PCDH11X: variants seen among roughly 807,000 people sequenced by gnomAD.
PCDH11X encodes protocadherin 11 X-linked, also known as protocadherin-11 X-linked.
Under a neutral mutation model 53.3 loss-of-function variants are expected in PCDH11X, and 18 were observed. That is an observed-to-expected ratio of 0.34 (90% CI 0.23 to 0.50). The LOEUF (loss-of-function observed/expected upper bound fraction) is 0.50. Among genes scored for constraint, PCDH11X ranks in the 20% least tolerant of loss-of-function variants. The pLI is 0.98. For synonymous variants in PCDH11X, 279 were observed against 393.3 expected, an observed-to-expected ratio of 0.71 and a Z score of 3.44; for missense variants, 570 against 1,032.4, an observed-to-expected ratio of 0.55 and a Z score of 6.14.
At chrX:92,456,095 C>A (rs1318496343) in intron 9 of PCDH11X, among the ~76,000 whole-genome samples, 3 of 111,493 alleles carry the variant, frequency 2.7e-5, no homozygotes, top group Non-Finnish European at 5.7e-5. Flanking sequence ...CAACAGAGTA[C>A]AAAAATTGAA....
intron 6 of PCDH11X, among the ~76,000 whole-genome samples, chrX:92,120,305 A>G (rs749979591): frequency 1.0e-4 from 11 of 110,135 alleles, no homozygotes; most frequent in African/African-American, 3.6e-4. Flanking sequence ...GATTACAGGC[A>G]CCTACAACCA....
chrX:91,920,237 C>A (rs1307574438), intron 6 of PCDH11X, among the ~76,000 whole-genome samples: 3 of 111,116 alleles, frequency 2.7e-5, no homozygotes, highest in Admixed American at 9.6e-5. Context: ...TTTGAAGTAA[C>A]CACAGCTCAG....
chrX:92,574,631 G>A (rs1221902069), intron 10 of PCDH11X, among the ~76,000 whole-genome samples: 40 of 111,233 alleles, frequency 3.6e-4, no homozygotes, highest in African/African-American at 1.2e-3. Context: ...TGCCCTTCAA[G>A]TATTTTTAAT....
In PCDH11X at chrX:92,618,331, C is replaced by T. The variant is rs1928216349; in HGVS notation, c.3435C>T (p.Ile1145=). The change falls in exon 11 of 11, where the codon ATC becomes ATT. Residue 1145 remains isoleucine, a synonymous_variant. Coordinates refer to ENST00000682573, the MANE Select transcript of PCDH11X (RefSeq NM_032968.5). ...ASDNCTQECL[I]YGHSDACWMP... ...ACAACTGCACTCAAGAATGTCTCAT[C>T]TATGGCCATTCTGATGCCTGCTGGA... 1 of 1,209,821 alleles carries T rather than the reference C, an allele frequency of 8.3e-7. No homozygotes were observed. The highest frequency in any genetic ancestry group is 2.2e-5 in the Admixed American group (1 of 45,786).
chrX:92,491,254 A>G, intron 10 of PCDH11X, among the ~76,000 whole-genome samples: 1 of 111,213 alleles, frequency 9.0e-6, no homozygotes, highest in Non-Finnish European at 1.9e-5. Context: ...TGCATACTAC[A>G]TAATAAATCG....
intron 10 of PCDH11X, among the ~76,000 whole-genome samples, chrX:92,551,997 T>G: frequency 1.0e-5 from 1 of 98,658 alleles, no homozygotes. Flanking sequence ...TGGTTTTTTT[T>G]TTTTTTTTTT....
intron 6 of PCDH11X, among the ~76,000 whole-genome samples, chrX:92,198,597 G>T (rs916559185): frequency 9.1e-6 from 1 of 110,201 alleles, no homozygotes; most frequent in African/African-American, 3.3e-5. Context: ...GCCAGATTTA[G>T]AAAGTTCAAT....
intron 9 of PCDH11X, among the ~76,000 whole-genome samples, chrX:92,451,523 TCAC>T (rs202096186): frequency 0.16 from 17,275 of 110,339 alleles, 2,348 homozygotes; most frequent in African/African-American, 0.44. Context: ...TTTCAATCAT[TCAC>T]CACTTGAGTT....
At chrX:92,012,955 C>T (rs976887671) in intron 6 of PCDH11X, among the ~76,000 whole-genome samples, 2 of 111,669 alleles carry the variant, frequency 1.8e-5, no homozygotes, top group African/African-American at 6.5e-5. Flanking sequence ...GAAGCATTCC[C>T]TTTGAAAACT....
intron 9 of PCDH11X, chrX:92,459,749 C>G (rs1261075801): frequency 8.9e-7 from 1 of 1,119,297 alleles, no homozygotes; most frequent in African/African-American, 1.8e-5. Context: ...GGCGCCCGGC[C>G]GGTCAGCAGC....
At chrX:92,096,438 ATGTGTG>A (rs10591250) in intron 6 of PCDH11X, among the ~76,000 whole-genome samples, 3,841 of 94,349 alleles carry the variant, frequency 0.041, 193 homozygotes, top group African/African-American at 0.14. Flanking sequence ...GTGTATGTGT[ATGTGTG>A]TGTGTGTGTG....
chrX:92,301,077 CAA>C (rs1661086615), intron 8 of PCDH11X, among the ~76,000 whole-genome samples: 1 of 110,606 alleles, frequency 9.0e-6, no homozygotes, highest in Non-Finnish European at 1.9e-5. Context: ...TGCTTGCTGG[CAA>C]AGAGACATAA....
chrX:92,541,550 C>T (rs2074757694), intron 10 of PCDH11X, among the ~76,000 whole-genome samples: 1 of 111,577 alleles, frequency 9.0e-6, no homozygotes, highest in South Asian at 3.8e-4. Context: ...TGGTGTTTCT[C>T]TGTGTGCAGA....
At chrX:91,972,032 G>A (rs2061967933) in intron 6 of PCDH11X, among the ~76,000 whole-genome samples, 1 of 110,834 alleles carries the variant, frequency 9.0e-6, no homozygotes, top group Non-Finnish European at 1.9e-5. Flanking sequence ...CAACATACTT[G>A]AAAATTGCTG....
At chrX:92,537,280 C>A (rs1255816622) in intron 10 of PCDH11X, among the ~76,000 whole-genome samples, 4 of 106,950 alleles carry the variant, frequency 3.7e-5, no homozygotes, top group Middle Eastern at 4.4e-3. Flanking sequence ...TTGGCCCAGA[C>A]CAATGTGCTG....
At chrX:92,304,757 T>A (rs1238853135) in intron 8 of PCDH11X, among the ~76,000 whole-genome samples, 2 of 112,395 alleles carry the variant, frequency 1.8e-5, no homozygotes, top group African/African-American at 3.2e-5. Flanking sequence ...GCCTATCCAA[T>A]ATTCTTTCCA....
rs771819133 is a variant in PCDH11X, at chrX:92,192,613, C to T, written c.3034-8762C>T. Among the ~76,000 whole-genome samples the T allele has an allele frequency of 2.7e-5, 3 of 111,720 alleles. No homozygotes were observed. The Admixed American group carries it at 2.9e-4, about 11-fold the overall frequency. ...CCGCCCACCTCGGCCTCCTAAAGTG[C>T]TGGGATTACAGGCGTGAGCCACTGC... On this transcript the variant is annotated intron_variant, in intron 6 of 10. Coordinates refer to ENST00000682573, the MANE Select transcript of PCDH11X (RefSeq NM_032968.5).
At position 92,173,273 on chromosome X, in the gene PCDH11X, A is replaced by G. The variant is rs185294438; in HGVS notation, c.3034-28102A>G. The stretch of plus-strand genomic sequence containing the variant: ...GTCCTTGAAAACTTGATTTGTAATC[A>G]TTTTTAAATCACTAAACTTTATTTA... On this transcript the variant is annotated intron_variant, in intron 6 of 10. Transcript: ENST00000682573. 5.5e-4 allele frequency among the ~76,000 whole-genome samples: 62 copies of G among 112,120 alleles called. 1 individual carries two copies. In the East Asian group the frequency reaches 0.011, roughly 20 times the overall value.
intron 7 of PCDH11X, among the ~76,000 whole-genome samples, chrX:92,204,487 A>G (rs1052950080): frequency 8.9e-6 from 1 of 111,883 alleles, no homozygotes; most frequent in African/African-American, 3.2e-5. Flanking sequence ...AGTTTCCAAC[A>G]AGTTCCTCAT....
Sources: allele counts gnomAD v4.1 joint callset (sites outside exome capture counted in the v4.1 genomes callset), GRCh38; gene constraint gnomAD v4.1.1; transcripts MANE v1.5; gene names NCBI Gene and HGNC (gene_info 2026-07-23, HGNC 2026-07-21).